Variants in PPM1E observed in about 807,000 individuals in gnomAD.
The protein encoded by PPM1E is protein phosphatase, Mg2+/Mn2+ dependent 1E.
A neutral mutation model predicts 65.9 loss-of-function variants in PPM1E; 20 were observed. The observed-to-expected ratio is 0.30, with a 90% confidence interval of 0.21 to 0.44. The LOEUF (loss-of-function observed/expected upper bound fraction) is 0.44. PPM1E is among the 20% of genes least tolerant of loss of function. PPM1E has a pLI of 1.00. For missense variants in PPM1E, 713 were observed against 953.1 expected (o/e 0.75, Z 3.32); for synonymous variants, 352 against 374.9 (o/e 0.94, Z 0.70).
intron 1 of PPM1E, among the ~76,000 whole-genome samples, chr17:58,919,065 T>C (rs2143527213): frequency 6.6e-6 from 1 of 152,278 alleles, no homozygotes; most frequent in South Asian, 2.1e-4. Flanking sequence ...AGCTATAGTC[T>C]CCAGAGTTGT....
chr17:58,761,884 C>T (rs746327275), intron 1 of PPM1E, among the ~76,000 whole-genome samples: 25 of 152,274 alleles, frequency 1.6e-4, no homozygotes, highest in Admixed American at 2.0e-4. Context: ...TACTTCATTT[C>T]GGCAAAGGAA....
intron 1 of PPM1E, among the ~76,000 whole-genome samples, chr17:58,842,412 C>T (rs538794114): frequency 2.0e-5 from 3 of 152,136 alleles, no homozygotes; most frequent in Admixed American, 6.5e-5. Flanking sequence ...AATAAGTGAG[C>T]CATACTAACA....
intron 1 of PPM1E, among the ~76,000 whole-genome samples, chr17:58,931,066 TAA>T (rs774968022): frequency 4.6e-4 from 38 of 83,126 alleles, no homozygotes; most frequent in African/African-American, 1.7e-3. Flanking sequence ...ATACAAAAAT[TAA>T]AAAAAAAAAA....
At chr17:58,971,437 C>T (rs908995340) in intron 4 of PPM1E, among the ~76,000 whole-genome samples, 2 of 152,120 alleles carry the variant, frequency 1.3e-5, no homozygotes, top group African/African-American at 2.4e-5. Context: ...ATGTCATTTT[C>T]GTATAGTAGG....
intron 1 of PPM1E, among the ~76,000 whole-genome samples, chr17:58,907,438 T>C (rs371054023): frequency 6.6e-6 from 1 of 152,170 alleles, no homozygotes; most frequent in East Asian, 1.9e-4. Flanking sequence ...ATGTTCCCTA[T>C]GAGTTTGAGA....
At chr17:58,830,451 G>A (rs888635343) in intron 1 of PPM1E, among the ~76,000 whole-genome samples, 2 of 151,764 alleles carry the variant, frequency 1.3e-5, no homozygotes, top group Admixed American at 6.6e-5. Context: ...GGGACTACAG[G>A]CACCCACCAC....
chr17:58,791,229 T>C (rs2050154895), intron 1 of PPM1E, among the ~76,000 whole-genome samples: 1 of 152,134 alleles, frequency 6.6e-6, no homozygotes, highest in Non-Finnish European at 1.5e-5. Flanking sequence ...ATTTGAGTGG[T>C]TTATTATGCA....
chr17:58,881,079 T>C (rs1173113775), intron 1 of PPM1E, among the ~76,000 whole-genome samples: 1 of 152,196 alleles, frequency 6.6e-6, no homozygotes, highest in Non-Finnish European at 1.5e-5. Context: ...GTTTTTGCAA[T>C]CCTAATTAAG....
chr17:58,775,361 C>G (rs2049983555), intron 1 of PPM1E, among the ~76,000 whole-genome samples: 1 of 152,026 alleles, frequency 6.6e-6, no homozygotes, highest in African/African-American at 2.4e-5. Flanking sequence ...TGATAAGTAG[C>G]TAGGATATGA....
intron 1 of PPM1E, among the ~76,000 whole-genome samples, chr17:58,838,561 G>T (rs2050685947): frequency 6.6e-6 from 1 of 152,208 alleles, no homozygotes; most frequent in South Asian, 2.1e-4. Context: ...ATCTTTGCTG[G>T]TGGAAATGCA....
rs1211050115 is a variant in PPM1E, at chr17:58,902,019, A to G, written c.465-53630A>G. Among the ~76,000 whole-genome samples the G allele has an allele frequency of 2.0e-5, 3 of 152,054 alleles. No homozygotes were observed. The East Asian group carries it at 5.8e-4, about 29-fold the overall frequency. ...AAAATATTAAAAATGAATCTAAAAT[A>G]TAATTATTTTATAATAGCTAAAACT... On this transcript the variant is annotated intron_variant, in intron 1 of 6. Transcript: ENST00000308249.
chr17:58,771,069 A>G (rs959112536), intron 1 of PPM1E, among the ~76,000 whole-genome samples: 3 of 151,532 alleles, frequency 2.0e-5, no homozygotes, highest in Non-Finnish European at 4.4e-5. Flanking sequence ...GTTGGCCAGG[A>G]TAGTCTTTAT....
intron 1 of PPM1E, among the ~76,000 whole-genome samples, chr17:58,850,416 G>T (rs1418132675): frequency 6.6e-6 from 1 of 152,158 alleles, no homozygotes; most frequent in Non-Finnish European, 1.5e-5. Flanking sequence ...GGCTGGTACT[G>T]GTTGTTCCCT....
intron 1 of PPM1E, among the ~76,000 whole-genome samples, chr17:58,898,850 C>T (rs1211872025): frequency 6.6e-6 from 1 of 152,086 alleles, no homozygotes; most frequent in African/African-American, 2.4e-5. Flanking sequence ...GCGTTCATGT[C>T]CTTTGTAGCG....
intron 1 of PPM1E, among the ~76,000 whole-genome samples, chr17:58,944,323 T>G (rs899761217): frequency 6.6e-6 from 1 of 152,228 alleles, no homozygotes; most frequent in South Asian, 2.1e-4. Flanking sequence ...CATAGGTTTC[T>G]TTGTTCCTTC....
At chr17:58,762,753 C>G (rs973568085) in intron 1 of PPM1E, among the ~76,000 whole-genome samples, 2 of 151,952 alleles carry the variant, frequency 1.3e-5, no homozygotes, top group African/African-American at 4.8e-5. Context: ...AAAAAATTAG[C>G]CGGGCATAGT....
intron 1 of PPM1E, among the ~76,000 whole-genome samples, chr17:58,810,942 C>G (rs767209294): frequency 3.9e-5 from 6 of 151,942 alleles, no homozygotes; most frequent in African/African-American, 1.5e-4. Flanking sequence ...TGTGCAACTT[C>G]CACCTCCCGG....
intron 1 of PPM1E, among the ~76,000 whole-genome samples, chr17:58,802,267 A>G (rs1385148240): frequency 1.3e-5 from 2 of 152,150 alleles, no homozygotes; most frequent in East Asian, 1.9e-4. Flanking sequence ...CAGTTTTCCT[A>G]CCACCATTTA....
intron 1 of PPM1E, among the ~76,000 whole-genome samples, chr17:58,873,715 C>G (rs2051098261): frequency 6.6e-6 from 1 of 151,184 alleles, no homozygotes; most frequent in South Asian, 2.1e-4. Flanking sequence ...TGCCTCAGCA[C>G]CCCCAAGTAG....
Sources: allele counts gnomAD v4.1 joint callset (sites outside exome capture counted in the v4.1 genomes callset), GRCh38; gene constraint gnomAD v4.1.1; transcripts MANE v1.5; gene names NCBI Gene and HGNC (gene_info 2026-07-23, HGNC 2026-07-21).